MAP3K5: variants seen among roughly 807,000 people sequenced by gnomAD.
MAP3K5 encodes ASK-1.
Under a neutral mutation model 158.7 loss-of-function variants are expected in MAP3K5, and 56 were observed. The observed-to-expected ratio is 0.35, with a 90% CI of 0.28 to 0.44. The LOEUF (loss-of-function observed/expected upper bound fraction) is 0.44. Among genes scored for constraint, MAP3K5 ranks in the 20% least tolerant of loss-of-function variants. The pLI is 1.00. For synonymous variants in MAP3K5, 579 were observed against 601.7 expected (o/e 0.96, Z 0.55); for missense variants, 1,294 against 1,674.8 (o/e 0.77, Z 3.97).
chr6:136,615,665 G>A (rs1340218461), intron 15 of MAP3K5, among the ~76,000 whole-genome samples: 1 of 152,178 alleles, frequency 6.6e-6, no homozygotes, highest in East Asian at 1.9e-4. Flanking sequence ...ATTGTAGGGT[G>A]TCAGCAACAA....
intron 7 of MAP3K5, among the ~76,000 whole-genome samples, chr6:136,674,151 T>C (rs1779604227): frequency 6.6e-6 from 1 of 151,666 alleles, no homozygotes; most frequent in African/African-American, 2.4e-5. Context: ...AAAAAAGATA[T>C]TTTCAGACAA....
intron 10 of MAP3K5, among the ~76,000 whole-genome samples, chr6:136,654,443 T>TTTTA (rs1037036961): frequency 1.6e-4 from 25 of 152,282 alleles, no homozygotes; most frequent in East Asian, 3.9e-4. Flanking sequence ...TTTTATTTTG[T>TTTTA]TTTATTTATT....
intron 1 of MAP3K5, among the ~76,000 whole-genome samples, chr6:136,757,595 T>G (rs558499709): frequency 6.7e-5 from 10 of 148,224 alleles, no homozygotes; most frequent in Non-Finnish European, 1.5e-4. Context: ...TATTTTTTTT[T>G]TTTTTTTTTG....
At chr6:136,759,189 T>C (rs1447692536) in intron 1 of MAP3K5, among the ~76,000 whole-genome samples, 1 of 151,926 alleles carries the variant, frequency 6.6e-6, no homozygotes, top group Admixed American at 6.6e-5. Flanking sequence ...AATAAAAGAA[T>C]AGACTTTTGA....
chr6:136,773,942 G>A (rs1041531379), intron 1 of MAP3K5, among the ~76,000 whole-genome samples: 1 of 152,104 alleles, frequency 6.6e-6, no homozygotes, highest in Non-Finnish European at 1.5e-5. Flanking sequence ...TTACAGGCAT[G>A]AGTCACCATG....
At chr6:136,620,876 G>A (rs1776767481) in intron 15 of MAP3K5, among the ~76,000 whole-genome samples, 1 of 152,200 alleles carries the variant, frequency 6.6e-6, no homozygotes, top group Non-Finnish European at 1.5e-5. Context: ...ATAAGGCAGA[G>A]CACAAGAGCA....
chr6:136,567,965 G>T, intron 25 of MAP3K5, 91 bp from the exon 26 acceptor site: 1 of 1,337,626 alleles, frequency 7.5e-7, no homozygotes, highest in Non-Finnish European at 1.0e-6. Context: ...CTGCCCCACC[G>T]TCAATAAGAT....
chr6:136,720,621 T>C, intron 1 of MAP3K5, 32 bp from the exon 2 acceptor site: 1 of 1,582,944 alleles, frequency 6.3e-7, no homozygotes, highest in Non-Finnish European at 8.6e-7. Flanking sequence ...CCCCAAAGAA[T>C]GACACCCAAA....
chr6:136,765,749 C>G (rs1434521336), intron 1 of MAP3K5, among the ~76,000 whole-genome samples: 1 of 146,128 alleles, frequency 6.8e-6, no homozygotes, highest in Non-Finnish European at 1.5e-5. Context: ...AGGCTGGTCT[C>G]GAACTCCTGA....
chr6:136,651,035 A>C lies in MAP3K5; in HGVS notation c.1737T>G (p.Asn579Lys). Reference protein sequence around the residue: ...IYQPSYLSINNEVEEKTISIW... With the variant: ...IYQPSYLSINKEVEEKTISIW... The stretch of plus-strand genomic sequence containing the variant: ...TAGAGATTGTCTTTTCCTCAACTTC[A>C]TTGTTGATAGACAAATAAGAAGGTT... The change falls in exon 11 of 30, where the codon AAT (asparagine) becomes AAG (lysine). Residue 579 changes from asparagine to lysine, a missense_variant. Transcript: ENST00000359015. The C allele has an allele frequency of 6.2e-7, 1 of 1,612,102 alleles. No individual in the cohort carries two copies. Among genetic ancestry groups the C allele is most frequent in the Non-Finnish European group, 8.5e-7 (1 of 1,178,764 alleles).
intron 25 of MAP3K5, among the ~76,000 whole-genome samples, chr6:136,577,353 ACTTAT>A (rs1200621639): frequency 3.3e-5 from 5 of 152,308 alleles, no homozygotes; most frequent in South Asian, 2.1e-4. Context: ...GTGTATATGG[ACTTAT>A]CTTATCCTGA....
At chr6:136,584,648 A>G (rs534830947) in intron 23 of MAP3K5, 47 of 152,374 alleles carry the variant, frequency 3.1e-4, no homozygotes, top group African/African-American at 1.1e-3. Context: ...GGGAGTTACA[A>G]TTCAAGATGA....
chr6:136,592,058 GAT>G, intron 23 of MAP3K5, 113 bp downstream of exon 23: 1 of 843,072 alleles, frequency 1.2e-6, no homozygotes, highest in East Asian at 2.7e-5. Flanking sequence ...GGTTTATCAT[GAT>G]GATCACTACA....
intron 1 of MAP3K5, among the ~76,000 whole-genome samples, chr6:136,741,214 C>A (rs1782692645): frequency 6.6e-6 from 1 of 152,038 alleles, no homozygotes; most frequent in South Asian, 2.1e-4. Flanking sequence ...AATAAATATA[C>A]ATATTAAAAT....
intron 1 of MAP3K5, among the ~76,000 whole-genome samples, chr6:136,766,784 C>T (rs1783985750): frequency 6.6e-6 from 1 of 152,196 alleles, no homozygotes; most frequent in Non-Finnish European, 1.5e-5. Flanking sequence ...CTAAACTATG[C>T]ACCCTGGATA....
intron 12 of MAP3K5, 146 bp from the exon 13 acceptor site, chr6:136,639,784 A>G: frequency 1.7e-6 from 1 of 578,814 alleles, no homozygotes; most frequent in South Asian, 2.2e-5. Flanking sequence ...TTAAAAAGTG[A>G]TACTTCCTGC....
chr6:136,622,992 A>G lies in MAP3K5; in HGVS notation c.2017-11T>C, dbSNP rs1776878088. 1 of 1,610,574 alleles carries G rather than the reference A, an allele frequency of 6.2e-7. No homozygotes were observed. Among genetic ancestry groups the G allele is most frequent in the African/African-American group, 1.3e-5 (1 of 74,756 alleles). ...ATATTCATAGTCATACTACAAAAGG[A>G]AAAACGGGGAGAAAAGATCAAAACA... On this transcript the variant is annotated splice_polypyrimidine_tract_variant and intron_variant, in intron 14 of 29. Transcript: ENST00000359015.
chr6:136,739,823 G>C (rs918520509), intron 1 of MAP3K5, among the ~76,000 whole-genome samples: 2 of 152,168 alleles, frequency 1.3e-5, no homozygotes, highest in Non-Finnish European at 2.9e-5. Flanking sequence ...TGATATGTAT[G>C]ATCTCATTGT....
chr6:136,662,993 T>G (rs1160640456), intron 8 of MAP3K5, among the ~76,000 whole-genome samples: 1 of 152,238 alleles, frequency 6.6e-6, no homozygotes, highest in East Asian at 1.9e-4. Flanking sequence ...TTTGTCATAG[T>G]CTTATCACCT....
Sources: allele counts gnomAD v4.1 joint callset (sites outside exome capture counted in the v4.1 genomes callset), GRCh38; gene constraint gnomAD v4.1.1; transcripts MANE v1.5; gene names NCBI Gene and HGNC (gene_info 2026-07-23, HGNC 2026-07-21).